The following PRKCE variants were observed in gnomAD, a reference collection of about 807,000 sequenced individuals.
PRKCE encodes protein kinase C epsilon type.
A neutral mutation model predicts 85.4 loss-of-function variants in PRKCE; 16 were observed. The observed-to-expected ratio is 0.19, with a 90% CI of 0.13 to 0.28. The LOEUF (loss-of-function observed/expected upper bound fraction) is 0.28, where lower values mean the gene tolerates loss of function less well. Ranked by LOEUF, PRKCE falls within the 10% of genes least tolerant of loss-of-function variation. PRKCE has a pLI of 1.00. For synonymous variants in PRKCE, 388 were observed against 371.5 expected (o/e 1.04, Z -0.51); for missense variants, 573 against 975.2 (o/e 0.59, Z 5.49).
chr2:45,810,123 C>T (rs1021069026), intron 1 of PRKCE, among the ~76,000 whole-genome samples: 3 of 151,924 alleles, frequency 2.0e-5, no homozygotes, highest in African/African-American at 7.2e-5. Flanking sequence ...TCACTGCAAC[C>T]TCCGCCTCCC....
At chr2:46,052,940 G>T (rs1708946925) in intron 10 of PRKCE, among the ~76,000 whole-genome samples, 1 of 152,216 alleles carries the variant, frequency 6.6e-6, no homozygotes, top group Non-Finnish European at 1.5e-5. Context: ...GAGACATTTA[G>T]TCTTTGCTCT....
At chr2:45,819,603 G>A (rs554641977) in intron 1 of PRKCE, among the ~76,000 whole-genome samples, 1 of 152,282 alleles carries the variant, frequency 6.6e-6, no homozygotes, top group African/African-American at 2.4e-5. Context: ...CCTGGGGACA[G>A]TCCAGGTGAT....
At chr2:46,080,848 T>C (rs1240490776) in intron 10 of PRKCE, among the ~76,000 whole-genome samples, 47 of 152,168 alleles carry the variant, frequency 3.1e-4, no homozygotes. Flanking sequence ...GGTGTTGATA[T>C]AGACAGACCC....
intron 1 of PRKCE, among the ~76,000 whole-genome samples, chr2:45,720,176 A>T (rs1680492885): frequency 6.6e-6 from 1 of 152,268 alleles, no homozygotes; most frequent in South Asian, 2.1e-4. Flanking sequence ...GAACTGTAGC[A>T]AGGTGCAGTA....
chr2:46,019,252 GT>G (rs957372223), intron 10 of PRKCE, among the ~76,000 whole-genome samples: 42 of 152,060 alleles, frequency 2.8e-4, no homozygotes, highest in Non-Finnish European at 5.1e-4. Flanking sequence ...GCCTGTATGA[GT>G]TTTTTTTCAG....
intron 6 of PRKCE, among the ~76,000 whole-genome samples, chr2:45,992,555 C>G (rs1404182022): frequency 6.6e-6 from 1 of 152,214 alleles, no homozygotes; most frequent in Non-Finnish European, 1.5e-5. Flanking sequence ...TGCTCTCTGT[C>G]TCTGAGCTTG....
chr2:45,663,792 A>G (rs1178106519), intron 1 of PRKCE, among the ~76,000 whole-genome samples: 1 of 152,218 alleles, frequency 6.6e-6, no homozygotes, highest in African/African-American at 2.4e-5. Flanking sequence ...CAAAAAAAAA[A>G]AAGAAAATGT....
intron 10 of PRKCE, among the ~76,000 whole-genome samples, chr2:46,053,991 G>A (rs1204120492): frequency 6.6e-6 from 1 of 152,184 alleles, no homozygotes; most frequent in Non-Finnish European, 1.5e-5. Context: ...AACAAAAACA[G>A]CTACTTCTTA....
intron 10 of PRKCE, among the ~76,000 whole-genome samples, chr2:46,075,734 G>A (rs1159830118): frequency 6.6e-6 from 1 of 152,226 alleles, no homozygotes; most frequent in Non-Finnish European, 1.5e-5. Context: ...GGGCAACAGA[G>A]TGAGGCCCTG....
rs1667834593 is a variant in PRKCE, at chr2:46,068,758, G to T, written c.1438-17450G>T. On this transcript the variant is annotated intron_variant, in intron 10 of 14. Coordinates refer to ENST00000306156, the MANE Select transcript of PRKCE (RefSeq NM_005400.3). This position sits in a 1 kb window ranked among gnomAD's most constrained non-coding sequence, Gnocchi z 4.3. Reference sequence around the variant, plus strand: ...TAGACGGGAGAGACTTGGAGCAGTTGCCCAAATGCCTCAGAAGTAACCAAG... The same window carrying T: ...TAGACGGGAGAGACTTGGAGCAGTTTCCCAAATGCCTCAGAAGTAACCAAG... Among the ~76,000 whole-genome samples, 1 of 152,248 alleles carries T rather than the reference G, an allele frequency of 6.6e-6. No individual in the cohort carries two copies. Among genetic ancestry groups the T allele is most frequent in the Non-Finnish European group, 1.5e-5 (1 of 68,042 alleles).
At chr2:46,177,484 G>C (rs1679534082) in intron 14 of PRKCE, among the ~76,000 whole-genome samples, 1 of 152,120 alleles carries the variant, frequency 6.6e-6, no homozygotes, top group Non-Finnish European at 1.5e-5. Context: ...TTTCAGCTCT[G>C]GTAGCCACAG....
intron 10 of PRKCE, among the ~76,000 whole-genome samples, chr2:46,011,449 C>G (rs562885339): frequency 2.6e-5 from 4 of 152,250 alleles, no homozygotes; most frequent in Non-Finnish European, 5.9e-5. Flanking sequence ...TTCATTATAT[C>G]CTTCCCGTGT....
chr2:45,982,195 T>C (rs1161294347), intron 5 of PRKCE, among the ~76,000 whole-genome samples: 1 of 151,066 alleles, frequency 6.6e-6, no homozygotes, highest in East Asian at 1.9e-4. Flanking sequence ...TTAGTGTCAG[T>C]GTATCTGCCC....
intron 10 of PRKCE, among the ~76,000 whole-genome samples, chr2:46,051,457 C>T (rs1708854680): frequency 6.6e-6 from 1 of 152,194 alleles, no homozygotes; most frequent in African/African-American, 2.4e-5. Context: ...TGGCACATGG[C>T]ACAGCTGATC....
At chr2:46,035,007 A>G (rs1459739474) in intron 10 of PRKCE, among the ~76,000 whole-genome samples, 3 of 152,222 alleles carry the variant, frequency 2.0e-5, no homozygotes, top group Non-Finnish European at 2.9e-5. Context: ...GATTAGACCC[A>G]AAGAGTCCCT....
At chr2:45,784,193 A>C (rs565348650) in intron 1 of PRKCE, among the ~76,000 whole-genome samples, 1 of 152,396 alleles carries the variant, frequency 6.6e-6, no homozygotes, top group East Asian at 1.9e-4. Context: ...CTTGATTTTA[A>C]GGGAGGGGAG....
chr2:45,878,146 T>C (rs887654082), intron 2 of PRKCE, among the ~76,000 whole-genome samples: 4 of 152,272 alleles, frequency 2.6e-5, no homozygotes, highest in Admixed American at 6.5e-5. Context: ...ACCTCAGTCA[T>C]TGGCTTGCCA....
chr2:46,174,979 C>A (rs1328771572), intron 14 of PRKCE, among the ~76,000 whole-genome samples: 1 of 152,112 alleles, frequency 6.6e-6, no homozygotes, highest in African/African-American at 2.4e-5. Flanking sequence ...GCATGAACCA[C>A]CACGCCCAGC....
chr2:46,019,026 G>A lies in PRKCE; in HGVS notation c.1437+8509G>A, dbSNP rs140128422. Reference sequence around the variant, plus strand: ...CCTCCTTCTATTTTTATTTCTCTCTGTAACATCAACCTGAGTACAACATGT... The same window carrying A: ...CCTCCTTCTATTTTTATTTCTCTCTATAACATCAACCTGAGTACAACATGT... On this transcript the variant is annotated intron_variant, in intron 10 of 14. Coordinates refer to ENST00000306156, the MANE Select transcript of PRKCE (RefSeq NM_005400.3). 4.6e-5 allele frequency among the ~76,000 whole-genome samples: 7 copies of A among 152,274 alleles called. No individual in the cohort carries two copies. The East Asian group carries it at 1.4e-3, about 29-fold the overall frequency.
Sources: allele counts gnomAD v4.1 joint callset (sites outside exome capture counted in the v4.1 genomes callset), GRCh38; gene constraint gnomAD v4.1.1; non-coding constraint Gnocchi (gnomAD v3.1); transcripts MANE v1.5; gene names NCBI Gene and HGNC (gene_info 2026-07-23, HGNC 2026-07-21).